The following SLIT2 variants were observed in gnomAD, a reference collection of about 807,000 sequenced individuals.
The protein encoded by SLIT2 is slit guidance ligand 2.
SLIT2 carries 41 observed loss-of-function variants against 185.7 expected under a neutral mutation model. The ratio of observed to expected loss-of-function variants is 0.22; its 90% CI spans 0.17 to 0.29. The LOEUF (loss-of-function observed/expected upper bound fraction) is 0.29, where lower values mean the gene tolerates loss of function less well. Ranked by LOEUF, SLIT2 falls within the 10% of genes least tolerant of loss-of-function variation. The probability of loss-of-function intolerance (pLI) is 1.00; values close to 1 mark genes in which losing one functional copy is unlikely to be tolerated. For synonymous variants in SLIT2, 693 were observed against 680.2 expected (o/e 1.02, Z -0.29); for missense variants, 1,571 against 1,909.0 (o/e 0.82, Z 3.30).
intron 4 of SLIT2, chr4:20,393,427 G>A (rs1006192094): frequency 6.6e-6 from 1 of 152,040 alleles, no homozygotes; most frequent in Admixed American, 6.6e-5. Context: ...ATCTTCTGAC[G>A]AGTGCTGGCA....
chr4:20,348,055 T>C (rs923840024), intron 4 of SLIT2, among the ~76,000 whole-genome samples: 2 of 152,214 alleles, frequency 1.3e-5, no homozygotes, highest in Non-Finnish European at 2.9e-5. Flanking sequence ...TTAAAAAGGG[T>C]GTGTACCAAC....
chr4:20,434,797 A>T (rs1210267105), intron 4 of SLIT2, among the ~76,000 whole-genome samples: 1 of 152,186 alleles, frequency 6.6e-6, no homozygotes, highest in Non-Finnish European at 1.5e-5. Context: ...GCCCAGGGGA[A>T]ATGTGATAAG....
chr4:20,445,520 T>C, intron 4 of SLIT2, among the ~76,000 whole-genome samples: 1 of 152,212 alleles, frequency 6.6e-6, no homozygotes, highest in East Asian at 1.9e-4. Flanking sequence ...TTCAGAGTAT[T>C]GTTTTTATGC....
At chr4:20,518,668 G>T (rs1349339971) in intron 11 of SLIT2, among the ~76,000 whole-genome samples, 3 of 100,876 alleles carry the variant, frequency 3.0e-5, no homozygotes, top group Non-Finnish European at 5.6e-5. Context: ...GCAGTGGCGC[G>T]ATCTCGGCTC....
intron 4 of SLIT2, among the ~76,000 whole-genome samples, chr4:20,340,142 G>C (rs1419531710): frequency 6.6e-6 from 1 of 151,998 alleles, no homozygotes; most frequent in Non-Finnish European, 1.5e-5. Flanking sequence ...ATTTTTATGG[G>C]GAACATGAGA....
intron 11 of SLIT2, among the ~76,000 whole-genome samples, chr4:20,514,552 C>T (rs1383351128): frequency 7.9e-5 from 12 of 151,918 alleles, no homozygotes; most frequent in Non-Finnish European, 1.3e-4. Context: ...AGTTGAGGCA[C>T]GAGAATCTCT....
chr4:20,570,853 A>T (rs1039431113), intron 29 of SLIT2, among the ~76,000 whole-genome samples: 1 of 150,048 alleles, frequency 6.7e-6, no homozygotes. Context: ...GTGGTTGAGG[A>T]CTCTTGAGTT....
chr4:20,460,785 C>A (rs895697348), intron 4 of SLIT2, among the ~76,000 whole-genome samples: 1 of 152,092 alleles, frequency 6.6e-6, no homozygotes, highest in African/African-American at 2.4e-5. Flanking sequence ...TACAGAAAGA[C>A]AAATTCCACA....
chr4:20,254,403 CT>C lies in SLIT2; in HGVS notation c.179+410del, dbSNP rs1711540070. ...GGTCGGTTTCAGAGCCCAGTCCTCG[CT>C]CTTGTCGCAGGCTGGCGCGGAGGGG... On this transcript the variant is annotated intron_variant, in intron 1 of 36. Transcript: ENST00000504154. The surrounding 1 kb of genome is among the most constrained non-coding windows in gnomAD (Gnocchi z 5.1). Among the ~76,000 whole-genome samples the C allele has an allele frequency of 6.6e-6, 1 of 152,176 alleles. No individual in the cohort carries two copies. The highest frequency in any genetic ancestry group is 1.5e-5 in the Non-Finnish European group (1 of 68,046).
At chr4:20,438,380 T>TA (rs1729505866) in intron 4 of SLIT2, among the ~76,000 whole-genome samples, 1 of 152,146 alleles carries the variant, frequency 6.6e-6, no homozygotes, top group Admixed American at 6.5e-5. Flanking sequence ...AGTCACATCT[T>TA]ACGTGAATGG....
At position 20,596,115 on chromosome 4, in the gene SLIT2, A is replaced by C. The variant is rs568491189; in HGVS notation, c.3320+281A>C. 7.2e-5 allele frequency among the ~76,000 whole-genome samples: 11 copies of C among 152,288 alleles called. No homozygotes were observed. In the South Asian group the frequency reaches 2.3e-3, roughly 32 times the overall value. On this transcript the variant is annotated intron_variant, in intron 31 of 36. Coordinates refer to ENST00000504154, the MANE Select transcript of SLIT2 (RefSeq NM_004787.4). ...AAAATAAAAAAATTTTAAGACAAAA[A>C]ACGTAGAACTTACAGAAGCAAAGAG...
At chr4:20,301,081 A>T (rs1409740649) in intron 4 of SLIT2, among the ~76,000 whole-genome samples, 1 of 152,136 alleles carries the variant, frequency 6.6e-6, no homozygotes, top group Non-Finnish European at 1.5e-5. Flanking sequence ...TGCTCTCTTG[A>T]ACAGTGTATC....
At chr4:20,367,566 A>G (rs897544625) in intron 4 of SLIT2, among the ~76,000 whole-genome samples, 1 of 152,144 alleles carries the variant, frequency 6.6e-6, no homozygotes, top group Non-Finnish European at 1.5e-5. Context: ...ATAACTTCAA[A>G]TACAATGTTT....
At chr4:20,329,796 C>T (rs73234452) in intron 4 of SLIT2, among the ~76,000 whole-genome samples, 11,163 of 151,920 alleles carry the variant, frequency 0.073, 556 homozygotes, top group Non-Finnish European at 0.11. Context: ...TAATAATTTG[C>T]TGAGGAATAA....
chr4:20,545,951 A>T, intron 21 of SLIT2, 80 bp from the exon 22 acceptor site: 1 of 690,608 alleles, frequency 1.4e-6, no homozygotes, highest in Non-Finnish European at 2.3e-6. Context: ...TGCCTCAGTT[A>T]AGAGTGAAGT....
At chr4:20,472,335 GATCTATATAT>G (rs1560453261) in intron 5 of SLIT2, among the ~76,000 whole-genome samples, 3 of 13,780 alleles carry the variant, frequency 2.2e-4, no homozygotes, top group Non-Finnish European at 3.8e-4. Context: ...TCTATATATA[GATCTATATAT>G]AGATATAGAT....
chr4:20,535,433 C>G (rs1156532311), intron 18 of SLIT2, among the ~76,000 whole-genome samples: 2 of 151,948 alleles, frequency 1.3e-5, no homozygotes, highest in Non-Finnish European at 2.9e-5. Flanking sequence ...GCAGAAGGCT[C>G]CCTTTTCAAA....
chr4:20,606,687 C>G (rs191493956), intron 33 of SLIT2, among the ~76,000 whole-genome samples: 2 of 152,272 alleles, frequency 1.3e-5, no homozygotes, highest in East Asian at 3.9e-4. Flanking sequence ...CATAATCTCA[C>G]TCATAATTGG....
intron 4 of SLIT2, among the ~76,000 whole-genome samples, chr4:20,374,765 T>C (rs1723879960): frequency 6.6e-6 from 1 of 152,082 alleles, no homozygotes; most frequent in Admixed American, 6.6e-5. Flanking sequence ...AGCTTCAGTT[T>C]GCTGCTACAT....
Sources: gnomAD v4.1 joint callset for allele counts (sites outside exome capture counted in the v4.1 genomes callset) on GRCh38, gnomAD v4.1.1 for gene constraint, Gnocchi (gnomAD v3.1) non-coding constraint, MANE v1.5 for transcripts, NCBI Gene and HGNC (gene_info 2026-07-23, HGNC 2026-07-21) for gene names.